Variants in PHACTR1 observed in about 807,000 individuals in gnomAD.
PHACTR1 encodes RPEL repeat containing 1.
Under a neutral mutation model 69.2 loss-of-function variants are expected in PHACTR1, and 16 were observed. That is an observed-to-expected ratio of 0.23 (90% CI 0.16 to 0.35). PHACTR1 has a LOEUF of 0.35. Ranked by LOEUF, PHACTR1 falls within the 10% of genes least tolerant of loss-of-function variation. The pLI, the probability that PHACTR1 is intolerant of heterozygous loss-of-function variation, is 1.00. For missense variants in PHACTR1, 510 were observed against 734.7 expected (o/e 0.69, Z 3.54); for synonymous variants, 312 against 284.5 (o/e 1.10, Z -0.97).
chr6:13,169,147 C>T (rs1760244755), intron 6 of PHACTR1, among the ~76,000 whole-genome samples: 1 of 152,032 alleles, frequency 6.6e-6, no homozygotes, highest in Non-Finnish European at 1.5e-5. Context: ...CTTGTGACCA[C>T]TTAGATTTGG....
At chr6:12,781,518 A>G (rs750064283) in intron 4 of PHACTR1, among the ~76,000 whole-genome samples, 1 of 152,176 alleles carries the variant, frequency 6.6e-6, no homozygotes, top group Non-Finnish European at 1.5e-5. Flanking sequence ...TTGAAAGAAT[A>G]TTTTCATTAA....
chr6:13,230,255 A>G, intron 10 of PHACTR1, 62 bp downstream of exon 10: 7 of 1,566,260 alleles, frequency 4.5e-6, no homozygotes, highest in Non-Finnish European at 5.2e-6. Context: ...GGTTCTAGCA[A>G]AAGAATTCAG....
chr6:12,720,637 T>A (rs969198074), intron 3 of PHACTR1, among the ~76,000 whole-genome samples: 1 of 152,182 alleles, frequency 6.6e-6, no homozygotes, highest in East Asian at 1.9e-4. Flanking sequence ...AATCAGATGA[T>A]GTTTCAATCA....
rs752238200 is a variant in PHACTR1, at chr6:13,245,159, C to G, written c.1391+14966C>G. 2.4e-4 allele frequency among the ~76,000 whole-genome samples: 37 copies of G among 152,142 alleles called. No homozygotes were observed. The highest frequency in any genetic ancestry group is 5.0e-4 in the Non-Finnish European group (34 of 68,034). On this transcript the variant is annotated intron_variant, in intron 10 of 14. Coordinates refer to ENST00000332995, the MANE Select transcript of PHACTR1 (RefSeq NM_030948.6). This position sits in a 1 kb window ranked among gnomAD's most constrained non-coding sequence, Gnocchi z 4.1. ...GTGATGAACACACATGTGCATGTGT[C>G]TTTATGGTAGAATGATTTCTGTTCC... is the stretch of plus-strand genomic sequence containing the variant.
At chr6:12,992,949 G>C (rs1174105004) in intron 4 of PHACTR1, among the ~76,000 whole-genome samples, 3 of 152,156 alleles carry the variant, frequency 2.0e-5, no homozygotes, top group Non-Finnish European at 4.4e-5. Context: ...TATGCAAATG[G>C]GTTCTTTACC....
intron 4 of PHACTR1, among the ~76,000 whole-genome samples, chr6:12,934,628 G>T (rs890455677): frequency 5.9e-5 from 9 of 152,128 alleles, no homozygotes; most frequent in Non-Finnish European, 1.2e-4. Flanking sequence ...TTGAGGTCAG[G>T]AGTTTGAGAC....
chr6:12,746,549 A>T (rs1765806693), intron 3 of PHACTR1, among the ~76,000 whole-genome samples: 1 of 152,196 alleles, frequency 6.6e-6, no homozygotes, highest in African/African-American at 2.4e-5. Flanking sequence ...AAAAGAATTC[A>T]ATAACACAGA....
At chr6:13,090,216 G>A (rs541353216) in intron 5 of PHACTR1, among the ~76,000 whole-genome samples, 5 of 152,008 alleles carry the variant, frequency 3.3e-5, no homozygotes, top group Admixed American at 6.5e-5. Context: ...CACCATGCCC[G>A]GCTAATGTTT....
At chr6:13,230,345 A>C in intron 10 of PHACTR1, 152 bp downstream of exon 10, 1 of 1,474,160 alleles carries the variant, frequency 6.8e-7, no homozygotes, top group South Asian at 1.2e-5. Context: ...TGAGGTCAGG[A>C]GTTCAAGACC....
intron 5 of PHACTR1, among the ~76,000 whole-genome samples, chr6:13,102,001 G>A (rs148298473): frequency 1.2e-4 from 19 of 152,164 alleles, no homozygotes; most frequent in Admixed American, 5.9e-4. Context: ...CTTGCTGAAC[G>A]TCCATTCTCT....
At chr6:12,828,918 T>C (rs1465396865) in intron 4 of PHACTR1, among the ~76,000 whole-genome samples, 1 of 152,238 alleles carries the variant, frequency 6.6e-6, no homozygotes, top group East Asian at 1.9e-4. Context: ...AGAGTGAATA[T>C]AGCAAACAAT....
chr6:13,139,365 C>T (rs1233054573), intron 5 of PHACTR1, among the ~76,000 whole-genome samples: 1 of 152,180 alleles, frequency 6.6e-6, no homozygotes, highest in Non-Finnish European at 1.5e-5. Context: ...ACAGTGTGAC[C>T]TGCAAAGCCT....
chr6:12,818,244 G>T (rs890179558), intron 4 of PHACTR1, among the ~76,000 whole-genome samples: 1 of 152,246 alleles, frequency 6.6e-6, no homozygotes, highest in South Asian at 2.1e-4. Context: ...GACTTGGCTG[G>T]GTGGTTCTTC....
chr6:12,772,874 G>A (rs751747698), intron 4 of PHACTR1, among the ~76,000 whole-genome samples: 2 of 152,178 alleles, frequency 1.3e-5, no homozygotes, highest in Non-Finnish European at 2.9e-5. Context: ...AGGATGTGTC[G>A]TTGAATCGCA....
rs137969527 is a variant in PHACTR1, at chr6:13,286,649, G to A, written c.1728-414G>A. Among the ~76,000 whole-genome samples, 464 of 152,334 alleles carry A rather than the reference G, an allele frequency of 3.0e-3. 2 individuals carry two copies. The highest frequency in any genetic ancestry group is 8.8e-3 in the Admixed American group (135 of 15,300). On this transcript the variant is annotated intron_variant, in intron 14 of 14. Coordinates refer to ENST00000332995, the MANE Select transcript of PHACTR1 (RefSeq NM_030948.6). The stretch of plus-strand genomic sequence containing the variant: ...CCCTGACATTCTCCCTGACAGTCCA[G>A]CATCATGATGATATTTGGGAAAACC...
chr6:12,749,852 G>C, intron 4 of PHACTR1, 62 bp downstream of exon 4: 1 of 1,406,232 alleles, frequency 7.1e-7, no homozygotes. Context: ...CCCGGCTGTT[G>C]AGCCCCCGCC....
At chr6:12,830,087 A>G (rs1027420485) in intron 4 of PHACTR1, among the ~76,000 whole-genome samples, 8 of 140,956 alleles carry the variant, frequency 5.7e-5, no homozygotes, top group African/African-American at 1.9e-4. Context: ...GAAGGAAGGA[A>G]GGAGGGAAAG....
intron 10 of PHACTR1, chr6:13,266,485 AT>A (rs77605691): frequency 0.43 from 64,759 of 152,104 alleles, 16,896 homozygotes; most frequent in Non-Finnish European, 0.6. Context: ...TCCCGGAAGC[AT>A]CTGTATTAGG....
At chr6:13,116,573 G>T (rs1817854471) in intron 5 of PHACTR1, among the ~76,000 whole-genome samples, 1 of 152,184 alleles carries the variant, frequency 6.6e-6, no homozygotes, top group Non-Finnish European at 1.5e-5. Context: ...GCTGTGTGAG[G>T]CTCTTCTGGG....
Sources: allele counts gnomAD v4.1 joint callset (sites outside exome capture counted in the v4.1 genomes callset), GRCh38; gene constraint gnomAD v4.1.1; non-coding constraint Gnocchi (gnomAD v3.1); transcripts MANE v1.5; gene names NCBI Gene and HGNC (gene_info 2026-07-23, HGNC 2026-07-21).